EFR3B: variants seen among roughly 807,000 people sequenced by gnomAD.
EFR3B encodes the protein EFR3 homolog B.
A neutral mutation model predicts 104.7 loss-of-function variants in EFR3B; 64 were observed. The ratio of observed to expected loss-of-function variants is 0.61; its 90% CI spans 0.50 to 0.75. The LOEUF (loss-of-function observed/expected upper bound fraction) is 0.75. Among genes scored for constraint, EFR3B ranks in the 30% least tolerant of loss-of-function variants. EFR3B has a pLI of 0.00. For synonymous variants in EFR3B, 385 were observed against 417.9 expected (o/e 0.92, Z 0.96); for missense variants, 750 against 1,078.5 (o/e 0.70, Z 4.27).
At chr2:25,143,396 C>A (rs142686363) in intron 17 of EFR3B, among the ~76,000 whole-genome samples, 1 of 151,398 alleles carries the variant, frequency 6.6e-6, no homozygotes, top group African/African-American at 2.4e-5. Flanking sequence ...TGGTGGCTCA[C>A]GCCTGTAATC....
In EFR3B at chr2:25,159,024, G is replaced by A. The variant is rs1008129801; in HGVS notation, c.*4684G>A. 2 of 152,198 alleles carry A rather than the reference G, an allele frequency of 1.3e-5. No individual in the cohort carries two copies. The highest frequency in any genetic ancestry group is 4.8e-5 in the African/African-American group (2 of 41,454). The allele number at this position is 152,198 out of a possible 1,614,324, so 9.4% of individuals were successfully genotyped here. A position where few individuals can be genotyped will look rare whatever the true frequency, so the allele number is the denominator to read the frequency against. ...GGGAAGTGGGAAAGGCGGAGTGGGGGGAAGTATAGGAAGAAGGATTCTTAG... is the reference window on the plus strand; with the variant it reads ...GGGAAGTGGGAAAGGCGGAGTGGGGAGAAGTATAGGAAGAAGGATTCTTAG... On this transcript the variant is annotated 3_prime_UTR_variant, in exon 23 of 23. Coordinates refer to ENST00000403714, the MANE Select transcript of EFR3B (RefSeq NM_014971.2).
chr2:25,090,852 C>T (rs1669092217), intron 1 of EFR3B, among the ~76,000 whole-genome samples: 1 of 152,190 alleles, frequency 6.6e-6, no homozygotes, highest in South Asian at 2.1e-4. Context: ...ATAACACCTG[C>T]CCCCGAAACC....
At chr2:25,048,157 A>C (rs1051748257) in intron 1 of EFR3B, among the ~76,000 whole-genome samples, 83 of 152,146 alleles carry the variant, frequency 5.5e-4, no homozygotes, top group Non-Finnish European at 1.0e-3. Context: ...CTGGGACTAC[A>C]GGCATGTGCA....
chr2:25,085,905 A>T (rs530945858), intron 1 of EFR3B, among the ~76,000 whole-genome samples: 1 of 151,860 alleles, frequency 6.6e-6, no homozygotes, highest in Admixed American at 6.6e-5. Context: ...TGTTAGCATC[A>T]CACAGCTAGT....
intron 1 of EFR3B, chr2:25,080,921 T>G (rs1314570344): frequency 1.3e-6 from 1 of 772,192 alleles, no homozygotes; most frequent in Non-Finnish European, 2.4e-6. Context: ...CAATATTAGG[T>G]GGAAATCCCA....
At chr2:25,081,677 T>C in intron 1 of EFR3B, 1 of 560,316 alleles carries the variant, frequency 1.8e-6, no homozygotes. Context: ...CTGTAGAACA[T>C]GGAGGCTGCC....
chr2:25,139,339 G>A (rs945643210), intron 16 of EFR3B, 149 bp downstream of exon 16: 13 of 1,078,112 alleles, frequency 1.2e-5, no homozygotes, highest in African/African-American at 1.6e-5. Context: ...GAAGTTACTC[G>A]TGGCATCTTT....
intron 4 of EFR3B, among the ~76,000 whole-genome samples, chr2:25,105,828 G>A (rs984339499): frequency 3.9e-5 from 6 of 152,198 alleles, no homozygotes; most frequent in African/African-American, 1.4e-4. Flanking sequence ...GCCCAGGGTA[G>A]GTGTTCTGTC....
At chr2:25,060,728 G>A (rs1440321794) in intron 1 of EFR3B, among the ~76,000 whole-genome samples, 1 of 152,000 alleles carries the variant, frequency 6.6e-6, no homozygotes, top group Non-Finnish European at 1.5e-5. Context: ...AGACCATCAT[G>A]GCTAACACAG....
At chr2:25,081,239 C>T (rs1668794425) in intron 1 of EFR3B, 4 of 1,013,716 alleles carry the variant, frequency 3.9e-6, no homozygotes, top group Non-Finnish European at 6.1e-6. Context: ...AGAAAACTAT[C>T]TTCACTCCTC....
rs1573217834 is a variant in EFR3B at position 25,121,661 on chromosome 2, C to A, written c.364-12C>A. On this transcript the variant is annotated splice_polypyrimidine_tract_variant and intron_variant, in intron 4 of 22. Coordinates refer to ENST00000403714, the MANE Select transcript of EFR3B (RefSeq NM_014971.2). ...ACCTCTCTCGTGTGTTTCTCTCCTT[C>A]CTCCCTGATAGTTTGTGAAGTTTGC... 1 of 1,551,666 alleles carries A rather than the reference C, an allele frequency of 6.4e-7. No homozygotes were observed. Among genetic ancestry groups the A allele is most frequent in the East Asian group, 2.4e-5 (1 of 40,918 alleles).
intron 3 of EFR3B, among the ~76,000 whole-genome samples, chr2:25,094,185 T>C (rs1669211158): frequency 7.0e-6 from 1 of 142,306 alleles, no homozygotes; most frequent in Non-Finnish European, 1.5e-5. Context: ...CTCAGAAAGC[T>C]GAGGTGGGAG....
intron 1 of EFR3B, among the ~76,000 whole-genome samples, chr2:25,074,287 T>C (rs1326235759): frequency 6.6e-6 from 1 of 152,154 alleles, no homozygotes; most frequent in Non-Finnish European, 1.5e-5. Flanking sequence ...CATCTTTGGC[T>C]GAGCACAGTG....
intron 17 of EFR3B, among the ~76,000 whole-genome samples, chr2:25,143,156 C>G (rs535883566): frequency 5.3e-5 from 8 of 151,236 alleles, no homozygotes; most frequent in Non-Finnish European, 1.0e-4. Flanking sequence ...GTGGAGCTTG[C>G]GGTGAGCAGA....
At chr2:25,080,633 C>T in intron 1 of EFR3B, 1 of 593,976 alleles carries the variant, frequency 1.7e-6, no homozygotes, top group South Asian at 2.1e-5. Context: ...ATGGCCAAAC[C>T]AGCACCATTT....
chr2:25,131,952 C>G lies in EFR3B; in HGVS notation c.1147+41C>G. ...GGGCCGGGGCGGGGCGGGGCCGAGG[C>G]GCGGAGTGGGGAGGGGAGGGGAGGG... On this transcript the variant is annotated intron_variant, in intron 10 of 22. Transcript: ENST00000403714. The surrounding 1 kb of genome is among the most constrained non-coding windows in gnomAD (Gnocchi z 7.6). 1 of 232,868 alleles carries G rather than the reference C, an allele frequency of 4.3e-6. No individual in the cohort carries two copies. The highest frequency in any genetic ancestry group is 8.5e-5 in the South Asian group (1 of 11,810). 14.4% of individuals were successfully genotyped at this position (232,868 alleles called of 1,614,324 possible). A position where few individuals can be genotyped will look rare whatever the true frequency, so the allele number is the denominator to read the frequency against.
In EFR3B at chr2:25,114,280, G is replaced by A. The variant is rs897907854; in HGVS notation, c.364-7393G>A. Among the ~76,000 whole-genome samples, 2 of 152,108 alleles carry A rather than the reference G, an allele frequency of 1.3e-5. No homozygotes were observed. Among genetic ancestry groups the A allele is most frequent in the Admixed American group, 6.5e-5 (1 of 15,270 alleles). On this transcript the variant is annotated intron_variant, in intron 4 of 22. Transcript: ENST00000403714. The surrounding 1 kb of genome is among the most constrained non-coding windows in gnomAD (Gnocchi z 4.0). ...AGGAGCTGCCCCAACAGGGACCCAC[G>A]GACAGCGCTCCCTGACCAGGTGACC...
chr2:25,143,764 T>A lies in EFR3B; in HGVS notation c.1952T>A (p.Ile651Asn). 6.4e-7 allele frequency: 1 copy of A among 1,551,606 alleles called. No homozygotes were observed. Among genetic ancestry groups the A allele is most frequent in the Non-Finnish European group, 8.7e-7 (1 of 1,146,962 alleles). Residue 651 changes from isoleucine to asparagine, a missense_variant, in exon 18 of 23, where the codon ATT (isoleucine) becomes AAT (asparagine). Ile to Asn is a moderately radical substitution (Grantham distance 149). Transcript: ENST00000403714. ...TCTCAGAATCTTGATGGGGTGGTCA[T>A]TGAGCTCCTCTTCCGCCAGAGCAAG... Reference protein sequence around the residue: ...RLSQNLDGVVIELLFRQSKIS... With the variant: ...RLSQNLDGVVNELLFRQSKIS...
intron 4 of EFR3B, among the ~76,000 whole-genome samples, chr2:25,111,954 C>T (rs991030837): frequency 2.0e-5 from 3 of 152,220 alleles, no homozygotes; most frequent in Admixed American, 1.3e-4. Context: ...TGTTTTAAGC[C>T]ACTAAATTGT....
Sources: gnomAD v4.1 joint callset for allele counts (sites outside exome capture counted in the v4.1 genomes callset) on GRCh38, gnomAD v4.1.1 for gene constraint, Gnocchi (gnomAD v3.1) non-coding constraint, MANE v1.5 for transcripts, NCBI Gene and HGNC (gene_info 2026-07-23, HGNC 2026-07-21) for gene names.